The following CTNND2 variants were observed in gnomAD, a reference collection of about 807,000 sequenced individuals.
The protein encoded by CTNND2 is catenin delta 2.
Under a neutral mutation model 144.4 loss-of-function variants are expected in CTNND2, and 22 were observed. The ratio of observed to expected loss-of-function variants is 0.15; its 90% CI spans 0.11 to 0.22. CTNND2 has a LOEUF of 0.22. Among genes scored for constraint, CTNND2 ranks in the 10% least tolerant of loss-of-function variants. The probability of loss-of-function intolerance (pLI) is 1.00; values close to 1 mark genes in which losing one functional copy is unlikely to be tolerated. For missense variants in CTNND2, 1,353 were observed against 1,618.8 expected, an observed-to-expected ratio of 0.84 and a Z score of 2.82; for synonymous variants, 751 against 695.6, an observed-to-expected ratio of 1.08 and a Z score of -1.25.
chr5:11,489,199 T>C (rs1769143606), intron 3 of CTNND2, among the ~76,000 whole-genome samples: 1 of 152,180 alleles, frequency 6.6e-6, no homozygotes, highest in Admixed American at 6.6e-5. Flanking sequence ...CTCCACATTC[T>C]CTCCAGAACC....
At position 11,801,735 on chromosome 5, in the gene CTNND2, T is replaced by A. The variant is rs190938405; in HGVS notation, c.38-69463A>T. ...AAATATAAAACCAGCATCTTTTTAC[T>A]TTAGTAAAGAGTAATTCTATAGCAT... is the stretch of plus-strand genomic sequence containing the variant. On this transcript the variant is annotated intron_variant, in intron 1 of 21. Coordinates refer to ENST00000304623, the MANE Select transcript of CTNND2 (RefSeq NM_001332.4). Among the ~76,000 whole-genome samples, 136 of 152,306 alleles carry A rather than the reference T, an allele frequency of 8.9e-4. No individual in the cohort carries two copies. In the South Asian group the frequency reaches 0.013, roughly 15 times the overall value.
At chr5:11,361,670 G>T (rs923829505) in intron 8 of CTNND2, among the ~76,000 whole-genome samples, 1 of 152,084 alleles carries the variant, frequency 6.6e-6, no homozygotes, top group Non-Finnish European at 1.5e-5. Flanking sequence ...CCACCAAAGG[G>T]GATTTCTCAG....
chr5:11,409,364 T>C (rs1761338896), intron 5 of CTNND2, among the ~76,000 whole-genome samples: 1 of 152,084 alleles, frequency 6.6e-6, no homozygotes, highest in Non-Finnish European at 1.5e-5. Context: ...CTTGGACATA[T>C]GTAACAAACA....
chr5:11,537,652 T>A (rs1774343286), intron 3 of CTNND2, among the ~76,000 whole-genome samples: 1 of 152,172 alleles, frequency 6.6e-6, no homozygotes, highest in Admixed American at 6.5e-5. Flanking sequence ...ACATTCACAC[T>A]TAGGTTGGGG....
chr5:11,027,778 A>C (rs1369276301), intron 16 of CTNND2, among the ~76,000 whole-genome samples: 2 of 152,196 alleles, frequency 1.3e-5, no homozygotes, highest in African/African-American at 2.4e-5. Context: ...AAGGTACCCC[A>C]AGGGACTCAC....
At chr5:11,137,603 G>A (rs1387676475) in intron 12 of CTNND2, among the ~76,000 whole-genome samples, 1 of 152,170 alleles carries the variant, frequency 6.6e-6, no homozygotes, top group Admixed American at 6.6e-5. Context: ...GTCTAACTTG[G>A]GTGTAGGGAG....
At chr5:11,314,439 C>T (rs1449577692) in intron 9 of CTNND2, among the ~76,000 whole-genome samples, 1 of 152,176 alleles carries the variant, frequency 6.6e-6, no homozygotes, top group Non-Finnish European at 1.5e-5. Context: ...CAGCCTCTAC[C>T]TCCAGGGATC....
chr5:11,124,790 T>C (rs1361444271), intron 12 of CTNND2, among the ~76,000 whole-genome samples: 1 of 152,238 alleles, frequency 6.6e-6, no homozygotes, highest in Non-Finnish European at 1.5e-5. Flanking sequence ...AAGTTTTGTA[T>C]ATTTTTATAT....
At chr5:11,259,568 A>T (rs907601737) in intron 9 of CTNND2, among the ~76,000 whole-genome samples, 6 of 152,324 alleles carry the variant, frequency 3.9e-5, no homozygotes, top group Non-Finnish European at 8.8e-5. Context: ...GAATCATGAG[A>T]GGTGAAGATT....
intron 10 of CTNND2, among the ~76,000 whole-genome samples, chr5:11,205,597 T>C (rs1017126528): frequency 2.1e-4 from 32 of 152,164 alleles, no homozygotes; most frequent in Non-Finnish European, 4.0e-4. Flanking sequence ...ACACACAATT[T>C]ACCTCACTGA....
intron 10 of CTNND2, among the ~76,000 whole-genome samples, chr5:11,210,633 C>T (rs1738531034): frequency 6.6e-6 from 1 of 152,170 alleles, no homozygotes; most frequent in Non-Finnish European, 1.5e-5. Flanking sequence ...TGTTCAACAT[C>T]TCAAAGAGAA....
At chr5:11,015,357 A>G (rs889111059) in intron 18 of CTNND2, among the ~76,000 whole-genome samples, 2 of 152,212 alleles carry the variant, frequency 1.3e-5, no homozygotes, top group African/African-American at 4.8e-5. Context: ...ACAACTGCAT[A>G]ATTTGGTAAT....
intron 1 of CTNND2, among the ~76,000 whole-genome samples, chr5:11,747,008 C>T (rs1285608238): frequency 6.6e-6 from 1 of 151,876 alleles, no homozygotes; most frequent in Non-Finnish European, 1.5e-5. Context: ...GTAGTCAAAC[C>T]ATATATATTT....
At chr5:10,989,222 G>A (rs907231499) in intron 19 of CTNND2, among the ~76,000 whole-genome samples, 1 of 152,218 alleles carries the variant, frequency 6.6e-6, no homozygotes, top group Non-Finnish European at 1.5e-5. Flanking sequence ...GGGTGAGGGG[G>A]CAGCTGGTCG....
In CTNND2 at chr5:11,385,136, T is replaced by G. The variant is rs1758938025; in HGVS notation, c.706A>C (p.Ser236Arg). Reference sequence around the variant, plus strand: ...GGCGCGTCGGGCAGGTGGAAGGCGCTGCCCAGGCTGGGCGCGAACGGCTCC... The same window carrying G: ...GGCGCGTCGGGCAGGTGGAAGGCGCGGCCCAGGCTGGGCGCGAACGGCTCC... ...PREPFAPSLG[S>R]AFHLPDAPPA... The change falls in exon 7 of 22, where the codon AGC becomes CGC. Residue 236 changes from serine to arginine, a missense_variant. Ser to Arg is a moderately radical substitution (Grantham distance 110). Coordinates refer to ENST00000304623, the MANE Select transcript of CTNND2 (RefSeq NM_001332.4). The G allele has an allele frequency of 1.0e-6, 1 of 1,004,774 alleles. No individual in the cohort carries two copies. Among genetic ancestry groups the G allele is most frequent in the South Asian group, 4.4e-5 (1 of 22,650 alleles). 62.2% of individuals were successfully genotyped at this position (1,004,774 alleles called of 1,614,324 possible).
chr5:11,593,810 G>T (rs1779374744), intron 2 of CTNND2, among the ~76,000 whole-genome samples: 1 of 152,064 alleles, frequency 6.6e-6, no homozygotes, highest in Non-Finnish European at 1.5e-5. Flanking sequence ...GTATGAAAAT[G>T]GACTAATACG....
At chr5:11,119,954 C>T (rs899699008) in intron 12 of CTNND2, among the ~76,000 whole-genome samples, 1 of 152,144 alleles carries the variant, frequency 6.6e-6, no homozygotes, top group Non-Finnish European at 1.5e-5. Context: ...GCCCTAATTT[C>T]ACTGGTAATC....
At chr5:11,146,035 T>A (rs745318472) in intron 12 of CTNND2, among the ~76,000 whole-genome samples, 1 of 152,190 alleles carries the variant, frequency 6.6e-6, no homozygotes, top group East Asian at 1.9e-4. Flanking sequence ...GTGGAGTCCA[T>A]GGTTCCATCC....
chr5:11,717,853 T>C (rs1024283353), intron 2 of CTNND2, among the ~76,000 whole-genome samples: 2 of 152,158 alleles, frequency 1.3e-5, no homozygotes, highest in Non-Finnish European at 2.9e-5. Flanking sequence ...GGCCCCACTC[T>C]TGACATCTGG....
Sources: gnomAD v4.1 joint callset for allele counts (sites outside exome capture counted in the v4.1 genomes callset) on GRCh38, gnomAD v4.1.1 for gene constraint, MANE v1.5 for transcripts, NCBI Gene and HGNC (gene_info 2026-07-23, HGNC 2026-07-21) for gene names.